The following CERKL variants were observed in gnomAD, a reference collection of about 807,000 sequenced individuals.
CERKL encodes the protein ceramide kinase-like protein.
Under a neutral mutation model 63.4 loss-of-function variants are expected in CERKL, and 61 were observed. The ratio of observed to expected loss-of-function variants is 0.96; its 90% CI spans 0.78 to 1.19. The LOEUF (loss-of-function observed/expected upper bound fraction) is 1.19. Ranked by LOEUF, CERKL falls within the 50% of genes most tolerant of loss-of-function variation. The pLI is 0.00. For synonymous variants in CERKL, 250 were observed against 230.5 expected, an observed-to-expected ratio of 1.08 and a Z score of -0.77; for missense variants, 675 against 655.5, an observed-to-expected ratio of 1.03 and a Z score of -0.33.
chr2:181,644,111 G>A (rs562875130), intron 1 of CERKL, among the ~76,000 whole-genome samples: 5 of 152,316 alleles, frequency 3.3e-5, no homozygotes, highest in Non-Finnish European at 7.4e-5. Context: ...CATGAAATAC[G>A]CAAATAAGTC....
At chr2:181,593,280 A>T (rs2105879077) in intron 2 of CERKL, among the ~76,000 whole-genome samples, 1 of 152,304 alleles carries the variant, frequency 6.6e-6, no homozygotes, top group Admixed American at 6.5e-5. Context: ...AGAGATAAAT[A>T]GAGGACCCAT....
intron 4 of CERKL, chr2:181,565,368 T>C: frequency 9.1e-7 from 1 of 1,098,226 alleles, no homozygotes; most frequent in Non-Finnish European, 1.4e-6. Flanking sequence ...TACACATCAG[T>C]CCAACACTTT....
intron 1 of CERKL, among the ~76,000 whole-genome samples, chr2:181,627,198 A>G (rs1686745711): frequency 1.3e-5 from 2 of 152,184 alleles, no homozygotes; most frequent in Admixed American, 1.3e-4. Context: ...TACAATGGAG[A>G]ATGGAAACTA....
chr2:181,598,713 G>C (rs1371908478), intron 2 of CERKL, among the ~76,000 whole-genome samples: 2 of 151,900 alleles, frequency 1.3e-5, no homozygotes, highest in African/African-American at 4.8e-5. Context: ...ACATGAGATA[G>C]AGTGTCAGCT....
Position 181,654,626 on chromosome 2 carries a change from T to C in CERKL, c.238+2143A>G, listed in dbSNP as rs117657300. On this transcript the variant is annotated intron_variant, in intron 1 of 12. Transcript: ENST00000410087. ...GCTCTCCCCCCACCACATCCTACCA[T>C]ATCATGTCCTCCCAAGTACAGTAAC... Among the ~76,000 whole-genome samples the C allele has an allele frequency of 1.1e-3, 163 of 152,326 alleles. 2 individuals carry two copies. In the East Asian group the frequency reaches 0.027, roughly 25 times the overall value.
chr2:181,601,178 G>A (rs1301034558), intron 2 of CERKL, among the ~76,000 whole-genome samples: 1 of 152,168 alleles, frequency 6.6e-6, no homozygotes, highest in Non-Finnish European at 1.5e-5. Flanking sequence ...AAACCCCTGG[G>A]ATAGGCACTT....
In CERKL at chr2:181,558,756, G is replaced by A. The variant is rs1455223989; in HGVS notation, c.678-48C>T. 1.9e-6 allele frequency: 3 copies of A among 1,592,036 alleles called. No individual in the cohort carries two copies. The highest frequency in any genetic ancestry group is 1.1e-5 in the South Asian group (1 of 90,552). ...AAGAAGGCAAAACTTCAGAATGATT[G>A]GTAATAAGTCATGAAATCTAGACTT... On this transcript the variant is annotated intron_variant, in intron 4 of 12. Coordinates refer to ENST00000410087, the MANE Select transcript of CERKL (RefSeq NM_201548.5). This position sits in a 1 kb window ranked among gnomAD's most constrained non-coding sequence, Gnocchi z 4.2.
chr2:181,616,120 ACTT>A (rs1274963117), intron 1 of CERKL, among the ~76,000 whole-genome samples: 3 of 151,848 alleles, frequency 2.0e-5, no homozygotes, highest in Non-Finnish European at 2.9e-5. Flanking sequence ...TGGCTGAGAT[ACTT>A]CTTAAGAATG....
chr2:181,631,774 T>C (rs563904819), intron 1 of CERKL, among the ~76,000 whole-genome samples: 71 of 152,274 alleles, frequency 4.7e-4, no homozygotes, highest in Middle Eastern at 3.4e-3. Context: ...CTCTCGAGTA[T>C]GGAAAGGGGA....
intron 3 of CERKL, among the ~76,000 whole-genome samples, chr2:181,568,431 T>G (rs1688754410): frequency 6.6e-6 from 1 of 152,200 alleles, no homozygotes; most frequent in Admixed American, 6.5e-5. Flanking sequence ...TCCTCCACTC[T>G]CCAGAACCAC....
At chr2:181,548,952 A>G (rs1463605523) in intron 6 of CERKL, 95 bp from the exon 7 acceptor site, 2 of 1,107,326 alleles carry the variant, frequency 1.8e-6, no homozygotes, top group Admixed American at 3.6e-5. Flanking sequence ...TTATAGGAGA[A>G]TATCTAAAGG....
intron 1 of CERKL, among the ~76,000 whole-genome samples, chr2:181,605,766 A>C (rs1284255570): frequency 6.6e-6 from 1 of 152,210 alleles, no homozygotes; most frequent in Non-Finnish European, 1.5e-5. Flanking sequence ...AAATAGGAGA[A>C]AAAGTAATCA....
intron 10 of CERKL, 135 bp from the exon 11 acceptor site, chr2:181,544,931 C>T (rs965331806): frequency 1.5e-5 from 8 of 538,916 alleles, no homozygotes; most frequent in Middle Eastern, 4.9e-4. Flanking sequence ...CACCATGTTA[C>T]GTTTACCTAA....
intron 1 of CERKL, among the ~76,000 whole-genome samples, chr2:181,638,733 C>G (rs1035751182): frequency 2.6e-5 from 4 of 152,164 alleles, no homozygotes; most frequent in African/African-American, 4.8e-5. Context: ...CAGCCCACAG[C>G]CTGTGACAGC....
intron 1 of CERKL, among the ~76,000 whole-genome samples, chr2:181,640,216 C>T (rs973560749): frequency 6.6e-6 from 1 of 152,132 alleles, no homozygotes; most frequent in Non-Finnish European, 1.5e-5. Context: ...TGTCCTTCAA[C>T]TTCATGCCTC....
At chr2:181,642,246 T>C (rs1687472723) in intron 1 of CERKL, among the ~76,000 whole-genome samples, 1 of 152,216 alleles carries the variant, frequency 6.6e-6, no homozygotes, top group African/African-American at 2.4e-5. Context: ...GTTTAACCCC[T>C]GCTTCCATTA....
At chr2:181,553,587 A>G (rs1438244335) in intron 5 of CERKL, among the ~76,000 whole-genome samples, 3 of 152,216 alleles carry the variant, frequency 2.0e-5, no homozygotes, top group Admixed American at 6.5e-5. Context: ...CCCAAGTACA[A>G]AATTTTTTTA....
intron 4 of CERKL, among the ~76,000 whole-genome samples, chr2:181,565,208 C>A (rs1688609111): frequency 6.6e-6 from 1 of 152,170 alleles, no homozygotes; most frequent in South Asian, 2.1e-4. Context: ...AAAGTACAGA[C>A]CTAACTCCCT....
chr2:181,586,157 C>T (rs1684755834), intron 2 of CERKL, among the ~76,000 whole-genome samples: 1 of 151,964 alleles, frequency 6.6e-6, no homozygotes, highest in South Asian at 2.1e-4. Context: ...CTTTAGATTG[C>T]AAGAAAATTG....
Sources: allele counts gnomAD v4.1 joint callset (sites outside exome capture counted in the v4.1 genomes callset), GRCh38; gene constraint gnomAD v4.1.1; non-coding constraint Gnocchi (gnomAD v3.1); transcripts MANE v1.5; gene names NCBI Gene and HGNC (gene_info 2026-07-23, HGNC 2026-07-21).